The following XIRP2 variants were observed in gnomAD, a reference collection of about 807,000 sequenced individuals.
XIRP2 encodes xin actin-binding repeat-containing protein 2.
XIRP2 carries 236 observed loss-of-function variants against 277.0 expected under a neutral mutation model. The observed-to-expected ratio is 0.85, with a 90% CI of 0.77 to 0.95. XIRP2 has a LOEUF of 0.95. Ranked by LOEUF, XIRP2 falls within the 40% of genes least tolerant of loss-of-function variation. The pLI is 0.00. For synonymous variants in XIRP2, 1,490 were observed against 1,416.5 expected (o/e 1.05, Z -1.17); for missense variants, 4,640 against 4,157.5 (o/e 1.12, Z -3.19).
chr2:167,147,675 G>C (rs1391597365), intron 3 of XIRP2, among the ~76,000 whole-genome samples: 2 of 152,184 alleles, frequency 1.3e-5, no homozygotes, highest in Non-Finnish European at 2.9e-5. Context: ...TTTCCTGGGA[G>C]AGAACAATTA....
At chr2:166,969,054 GCT>G (rs1686503979) in intron 2 of XIRP2, among the ~76,000 whole-genome samples, 1 of 151,980 alleles carries the variant, frequency 6.6e-6, no homozygotes. Context: ...AAATCCCACA[GCT>G]CTACCTTGCT....
intron 2 of XIRP2, among the ~76,000 whole-genome samples, chr2:167,093,739 C>G (rs1223829247): frequency 6.6e-6 from 1 of 152,024 alleles, no homozygotes; most frequent in Non-Finnish European, 1.5e-5. Flanking sequence ...GGGTTGGTTC[C>G]AAGTCTTTGC....
intron 2 of XIRP2, among the ~76,000 whole-genome samples, chr2:167,121,405 A>T (rs1327872980): frequency 6.6e-6 from 1 of 152,172 alleles, no homozygotes; most frequent in Non-Finnish European, 1.5e-5. Context: ...AAAATGAAAT[A>T]AAAAATGGAT....
chr2:167,188,161 A>G (rs994195498), intron 3 of XIRP2, among the ~76,000 whole-genome samples: 28 of 152,204 alleles, frequency 1.8e-4, no homozygotes, highest in African/African-American at 6.8e-4. Flanking sequence ...ACAACCTTAA[A>G]CAGAGAAGAC....
intron 3 of XIRP2, among the ~76,000 whole-genome samples, chr2:167,194,309 C>G (rs1239323893): frequency 5.3e-5 from 8 of 151,912 alleles, no homozygotes; most frequent in Non-Finnish European, 1.2e-4. Flanking sequence ...TCAAACTCCT[C>G]ACCTCAGGTT....
intron 4 of XIRP2, among the ~76,000 whole-genome samples, chr2:167,211,600 A>G (rs530655880): frequency 6.6e-6 from 1 of 152,210 alleles, no homozygotes; most frequent in Non-Finnish European, 1.5e-5. Flanking sequence ...ATTAATTTCA[A>G]ATTTTAATAA....
At position 167,146,114 on chromosome 2, in the gene XIRP2, GT is replaced by G. The variant is rs563958515; in HGVS notation, c.562+10064del. On this transcript the variant is annotated intron_variant, in intron 3 of 10. Coordinates refer to ENST00000409195, the MANE Select transcript of XIRP2 (RefSeq NM_152381.6). The stretch of plus-strand genomic sequence containing the variant: ...GCGAAGACAATTTCCAAAATATTAA[GT>G]TTTTTTTTTTTAACACAGCAGATAT... Among the ~76,000 whole-genome samples the G allele has an allele frequency of 4.1e-3, 597 of 146,300 alleles. 3 individuals carry two copies. The highest frequency in any genetic ancestry group is 9.5e-3 in the African/African-American group (383 of 40,246).
chr2:167,184,286 T>C (rs1360970485), intron 3 of XIRP2, among the ~76,000 whole-genome samples: 3 of 152,202 alleles, frequency 2.0e-5, no homozygotes, highest in African/African-American at 7.2e-5. Context: ...ATCCCTGTTA[T>C]TTGAAGGCTT....
chr2:167,247,931 G>C lies in XIRP2; in HGVS notation c.6539G>C (p.Gly2180Ala). The change falls in exon 9 of 11, where the codon GGG (glycine) becomes GCG (alanine). Residue 2180 changes from glycine (G) to alanine (A), a missense_variant. Coordinates refer to ENST00000409195, the MANE Select transcript of XIRP2 (RefSeq NM_152381.6). ...GTTGGAGGAACTTACGACCTTTCAG[G>C]GGACTTTCAGAAGCAAACTTTGTTA... ...MPVGGTYDLS[G>A]DFQKQTLLKQ... 1.2e-6 allele frequency: 2 copies of C among 1,611,114 alleles called. No individual in the cohort carries two copies. Among genetic ancestry groups the C allele is most frequent in the Middle Eastern group, 1.7e-4 (1 of 6,038 alleles).
At chr2:166,981,691 G>A (rs944255879) in intron 2 of XIRP2, among the ~76,000 whole-genome samples, 15 of 152,202 alleles carry the variant, frequency 9.9e-5, no homozygotes, top group Admixed American at 5.2e-4. Context: ...ATGAGCCACC[G>A]CACCCAGTTC....
At chr2:167,178,179 G>A (rs781276517) in intron 3 of XIRP2, among the ~76,000 whole-genome samples, 5 of 152,044 alleles carry the variant, frequency 3.3e-5, no homozygotes, top group Non-Finnish European at 7.4e-5. Flanking sequence ...CCTGTATACA[G>A]AGAACATTTC....
intron 2 of XIRP2, among the ~76,000 whole-genome samples, chr2:166,951,340 G>A (rs1488052475): frequency 6.6e-6 from 1 of 151,926 alleles, no homozygotes. Flanking sequence ...GAAGCTTCCA[G>A]TCATGGTGGA....
chr2:166,975,482 C>T (rs1217639952), intron 2 of XIRP2, among the ~76,000 whole-genome samples: 2 of 151,806 alleles, frequency 1.3e-5, no homozygotes, highest in Non-Finnish European at 2.9e-5. Context: ...AGCGAGACTC[C>T]TTCAAAAAAG....
chr2:167,198,745 G>A (rs1693595855), intron 3 of XIRP2, among the ~76,000 whole-genome samples: 1 of 152,186 alleles, frequency 6.6e-6, no homozygotes, highest in South Asian at 2.1e-4. Context: ...ACCAAGCCAT[G>A]CTGCATTATT....
At chr2:167,080,976 A>G (rs1329720728) in intron 2 of XIRP2, among the ~76,000 whole-genome samples, 1 of 152,206 alleles carries the variant, frequency 6.6e-6, no homozygotes, top group Non-Finnish European at 1.5e-5. Context: ...ACAATGTTCC[A>G]TATAATTATT....
intron 2 of XIRP2, among the ~76,000 whole-genome samples, chr2:167,019,037 A>C: frequency 6.6e-6 from 1 of 152,154 alleles, no homozygotes; most frequent in African/African-American, 2.4e-5. Flanking sequence ...CTGAGTGAAT[A>C]ACTGCATGCA....
At chr2:166,904,535 G>A (rs1684467324) in intron 2 of XIRP2, among the ~76,000 whole-genome samples, 1 of 152,112 alleles carries the variant, frequency 6.6e-6, no homozygotes, top group Non-Finnish European at 1.5e-5. Context: ...TATAAAATAT[G>A]TCTATTAGCT....
intron 2 of XIRP2, among the ~76,000 whole-genome samples, chr2:166,981,607 C>A (rs1483907390): frequency 6.6e-6 from 1 of 151,904 alleles, no homozygotes; most frequent in Non-Finnish European, 1.5e-5. Context: ...CACCGTGTTG[C>A]CCAGGCTGGT....
intron 2 of XIRP2, among the ~76,000 whole-genome samples, chr2:167,110,215 T>G: frequency 6.6e-6 from 1 of 152,190 alleles, no homozygotes; most frequent in Non-Finnish European, 1.5e-5. Context: ...TTGCAATTGC[T>G]TTGGAATCTT....
Sources: allele counts gnomAD v4.1 joint callset (sites outside exome capture counted in the v4.1 genomes callset), GRCh38; gene constraint gnomAD v4.1.1; transcripts MANE v1.5; gene names NCBI Gene and HGNC (gene_info 2026-07-23, HGNC 2026-07-21).